The following AKAP19 variants were observed in gnomAD, a reference collection of about 807,000 sequenced individuals.
The protein encoded by AKAP19 is A-kinase anchoring protein 19, also known as small A-kinase anchoring protein.
At chr2:190,038,288 G>A in the AKAP19 span, among the ~76,000 whole-genome samples, 3 of 152,088 alleles carry the variant, frequency 2.0e-5, no homozygotes, top group Admixed American at 2.0e-4. Context: ...AAACTTAGCA[G>A]CCAGTCCAGC....
the AKAP19 span, among the ~76,000 whole-genome samples, chr2:189,904,654 C>T: frequency 2.6e-5 from 4 of 151,846 alleles, no homozygotes; most frequent in African/African-American, 7.3e-5. Context: ...AATTTTTATG[C>T]AGTTATTGAT....
chr2:190,058,347 T>C, the AKAP19 span, among the ~76,000 whole-genome samples: 1 of 152,062 alleles, frequency 6.6e-6, no homozygotes, highest in Non-Finnish European at 1.5e-5. Flanking sequence ...ATTTTGATCA[T>C]TAAAATTCTA....
the AKAP19 span, among the ~76,000 whole-genome samples, chr2:190,091,510 T>C: frequency 6.7e-6 from 1 of 150,176 alleles, no homozygotes; most frequent in African/African-American, 2.5e-5. Flanking sequence ...GAAGAGAACT[T>C]ATTTGTATCA....
chr2:190,100,569 G>C, the AKAP19 span, among the ~76,000 whole-genome samples: 4 of 152,136 alleles, frequency 2.6e-5, no homozygotes, highest in African/African-American at 9.7e-5. Context: ...GAAAGAAATG[G>C]AAGCCAAGGC....
chr2:190,179,424 A>C, the AKAP19 span, among the ~76,000 whole-genome samples: 1 of 152,106 alleles, frequency 6.6e-6, no homozygotes, highest in Non-Finnish European at 1.5e-5. This position sits in a 1 kb window ranked among gnomAD's most constrained non-coding sequence, Gnocchi z 6.0. Context: ...AAGAAAAAAA[A>C]AATGATACTT....
the AKAP19 span, among the ~76,000 whole-genome samples, chr2:190,070,620 C>CT: frequency 1.7e-4 from 24 of 139,758 alleles, no homozygotes; most frequent in African/African-American, 6.3e-4. Flanking sequence ...TCTCTCCCCC[C>CT]CCCCTTTTTT....
At chr2:190,103,374 A>C in the AKAP19 span, among the ~76,000 whole-genome samples, 3 of 152,216 alleles carry the variant, frequency 2.0e-5, no homozygotes, top group Non-Finnish European at 4.4e-5. Context: ...AAAAGCATCC[A>C]AATAGGAAAA....
At chr2:190,114,906 T>C in the AKAP19 span, among the ~76,000 whole-genome samples, 1 of 152,162 alleles carries the variant, frequency 6.6e-6, no homozygotes, top group Non-Finnish European at 1.5e-5. Flanking sequence ...TTTTTGTCTC[T>C]GGAAGCTTTT....
At chr2:189,998,616 G>A in the AKAP19 span, among the ~76,000 whole-genome samples, 1 of 151,656 alleles carries the variant, frequency 6.6e-6, no homozygotes, top group Non-Finnish European at 1.5e-5. Flanking sequence ...GTACTCTTTT[G>A]GTGATTTGTT....
At chr2:190,153,147 G>A in the AKAP19 span, among the ~76,000 whole-genome samples, 15 of 152,052 alleles carry the variant, frequency 9.9e-5, no homozygotes, top group East Asian at 1.9e-4. Context: ...TGCCCACCTC[G>A]GCCTCCCAAA....
At chr2:190,016,918 C>T in the AKAP19 span, among the ~76,000 whole-genome samples, 3 of 152,076 alleles carry the variant, frequency 2.0e-5, no homozygotes, top group Admixed American at 1.3e-4. Context: ...ATTATTATCT[C>T]TCCTTTCACA....
the AKAP19 span, among the ~76,000 whole-genome samples, chr2:190,103,241 A>G: frequency 4.3e-4 from 66 of 152,354 alleles, no homozygotes; most frequent in East Asian, 8.7e-3. Flanking sequence ...ATCATGCTGA[A>G]TGGGCAAAAG....
chr2:189,926,994 C>T, the AKAP19 span, among the ~76,000 whole-genome samples: 2 of 152,216 alleles, frequency 1.3e-5, no homozygotes, highest in East Asian at 3.9e-4. Context: ...AGTGATCCTC[C>T]TACCTCAACC....
At chr2:189,914,126 T>G in the AKAP19 span, among the ~76,000 whole-genome samples, 1 of 152,106 alleles carries the variant, frequency 6.6e-6, no homozygotes, top group Non-Finnish European at 1.5e-5. Flanking sequence ...TGTCTTCCAC[T>G]ACTGAACTGT....
chr2:190,020,782 GTT>G, the AKAP19 span, among the ~76,000 whole-genome samples: 1 of 152,034 alleles, frequency 6.6e-6, no homozygotes, highest in South Asian at 2.1e-4. Context: ...GGCAGCCACT[GTT>G]CTACTTTCTA....
At chr2:189,959,876 A>G in the AKAP19 span, among the ~76,000 whole-genome samples, 3 of 152,232 alleles carry the variant, frequency 2.0e-5, no homozygotes, top group Non-Finnish European at 2.9e-5. Flanking sequence ...TGAAAAACAT[A>G]TACCCAGAAA....
chr2:190,075,534 G>A, the AKAP19 span, among the ~76,000 whole-genome samples: 2 of 151,906 alleles, frequency 1.3e-5, no homozygotes, highest in Non-Finnish European at 2.9e-5. Flanking sequence ...TACATATTTA[G>A]GATTGTTATG....
chr2:189,924,144 C>T, the AKAP19 span: 16 of 1,611,564 alleles, frequency 9.9e-6, no homozygotes, highest in African/African-American at 1.3e-5. Flanking sequence ...TGGAGTTGAT[C>T]AAGGATGATG....
chr2:190,022,174 C>T, the AKAP19 span, among the ~76,000 whole-genome samples: 1 of 152,104 alleles, frequency 6.6e-6, no homozygotes, highest in African/African-American at 2.4e-5. Flanking sequence ...TCAGTACTGC[C>T]ACATTGGGGA....
Sources: gnomAD v4.1 joint callset for allele counts (sites outside exome capture counted in the v4.1 genomes callset) on GRCh38, gnomAD v4.1.1 for gene constraint, Gnocchi (gnomAD v3.1) non-coding constraint, MANE v1.5 for transcripts, NCBI Gene and HGNC (gene_info 2026-07-23, HGNC 2026-07-21) for gene names.